ABCA13: variants seen among roughly 807,000 people sequenced by gnomAD.
ABCA13 encodes ATP binding cassette subfamily A member 13, also known as ATP-binding cassette sub-family A member 13.
In ABCA13, 476 loss-of-function variants were observed where a neutral mutation model predicts 478.7. The observed-to-expected ratio is 0.99, with a 90% CI of 0.92 to 1.07. ABCA13 has a LOEUF of 1.07. Among genes scored for constraint, ABCA13 ranks in the 50% least tolerant of loss-of-function variants. The pLI is 0.00. For synonymous variants in ABCA13, 2,252 were observed against 2,158.9 expected (o/e 1.04, Z -1.20); for missense variants, 6,060 against 5,910.6 (o/e 1.03, Z -0.83).
intron 1 of ABCA13, among the ~76,000 whole-genome samples, chr7:48,177,721 T>C (rs1460274233): frequency 6.6e-6 from 1 of 152,248 alleles, no homozygotes; most frequent in Non-Finnish European, 1.5e-5. Context: ...ATGGAACTCC[T>C]GATAACTCGA....
chr7:48,409,241 G>A (rs977314821), intron 39 of ABCA13, among the ~76,000 whole-genome samples: 4 of 152,276 alleles, frequency 2.6e-5, no homozygotes, highest in Admixed American at 2.0e-4. Context: ...AGGGAGTGTC[G>A]AAGCTAAAAG....
Position 48,550,539 on chromosome 7 carries a change from G to A in ABCA13, c.14354+22194G>A, listed in dbSNP as rs564685048. On this transcript the variant is annotated intron_variant, in intron 55 of 61. Coordinates refer to ENST00000435803, the MANE Select transcript of ABCA13 (RefSeq NM_152701.5). ...CTCCCAAAGTGCTGGGATTACAGGC[G>A]TGAGCCACCAAGCCTGGTCTCTACT... is the stretch of plus-strand genomic sequence containing the variant. 3.4e-4 allele frequency among the ~76,000 whole-genome samples: 52 copies of A among 151,838 alleles called. 4 individuals carry two copies. The highest frequency in any genetic ancestry group is 2.1e-3 in the East Asian group (11 of 5,162).
chr7:48,576,341 G>C lies in ABCA13; in HGVS notation c.14355-3883G>C, dbSNP rs749774233. On this transcript the variant is annotated intron_variant, in intron 55 of 61. Coordinates refer to ENST00000435803, the MANE Select transcript of ABCA13 (RefSeq NM_152701.5). ...CAAAAAGTGATGTAGGCTCAGTGTG[G>C]ACTAACTTGAAAGTAGCCTTGGGGG... Among the ~76,000 whole-genome samples, 3 of 152,254 alleles carry C rather than the reference G, an allele frequency of 2.0e-5. No individual in the cohort carries two copies. The South Asian group carries it at 6.2e-4, about 32-fold the overall frequency.
In ABCA13 at chr7:48,287,108, G is replaced by A. The variant is rs149030805; in HGVS notation, c.8837-852G>A. ...AGGGGCTTTGCTCAGCCTGGGAAAG[G>A]TGGGTGTCTGGAGGCAGAACTCTAA... is the stretch of plus-strand genomic sequence containing the variant. On this transcript the variant is annotated intron_variant, in intron 19 of 61. Coordinates refer to ENST00000435803, the MANE Select transcript of ABCA13 (RefSeq NM_152701.5). Among the ~76,000 whole-genome samples the A allele has an allele frequency of 2.3e-3, 347 of 152,268 alleles. 2 individuals are homozygous for A. The highest frequency in any genetic ancestry group is 8.0e-3 in the African/African-American group (334 of 41,548).
At chr7:48,470,155 A>G (rs774552329) in intron 44 of ABCA13, among the ~76,000 whole-genome samples, 1 of 152,204 alleles carries the variant, frequency 6.6e-6, no homozygotes, top group Non-Finnish European at 1.5e-5. Flanking sequence ...TTTCTCATAG[A>G]TCATCCCCTC....
chr7:48,201,840 T>C (rs1798772864), intron 3 of ABCA13, among the ~76,000 whole-genome samples: 1 of 152,222 alleles, frequency 6.6e-6, no homozygotes, highest in Non-Finnish European at 1.5e-5. Context: ...ATGGTAAGTG[T>C]TACAGCTCTT....
At chr7:48,357,791 A>T (rs1289824979) in intron 31 of ABCA13, among the ~76,000 whole-genome samples, 1 of 151,882 alleles carries the variant, frequency 6.6e-6, no homozygotes, top group African/African-American at 2.4e-5. Flanking sequence ...ACTTTTAAGC[A>T]CTTTGTGCAG....
chr7:48,622,587 TAG>T (rs1444684385), intron 59 of ABCA13, among the ~76,000 whole-genome samples: 2 of 152,178 alleles, frequency 1.3e-5, no homozygotes, highest in Admixed American at 1.3e-4. Context: ...TTCTAGCCTA[TAG>T]ATATTCCCCC....
At chr7:48,349,721 G>T (rs112916663) in intron 29 of ABCA13, among the ~76,000 whole-genome samples, 5 of 152,174 alleles carry the variant, frequency 3.3e-5, no homozygotes, top group Non-Finnish European at 5.9e-5. Flanking sequence ...TGCCATGTCC[G>T]GGGACAAATG....
chr7:48,456,680 A>G (rs1052075293), intron 43 of ABCA13, among the ~76,000 whole-genome samples: 7 of 152,194 alleles, frequency 4.6e-5, no homozygotes, highest in Non-Finnish European at 1.0e-4. Context: ...ATAAATCAGT[A>G]CAACCACTTT....
intron 24 of ABCA13, 27 bp from the exon 25 acceptor site, chr7:48,313,037 ATGT>A (rs1563027186): frequency 2.0e-6 from 3 of 1,519,650 alleles, no homozygotes; most frequent in Middle Eastern, 1.8e-4. Context: ...TGGTTATTTC[ATGT>A]TGTTTTGTTT....
intron 8 of ABCA13, 106 bp from the exon 9 acceptor site, chr7:48,239,135 C>A: frequency 8.4e-7 from 1 of 1,186,850 alleles, no homozygotes; most frequent in South Asian, 1.4e-5. Flanking sequence ...TTCAATCAAG[C>A]AAATGTAAGA....
At chr7:48,307,858 A>T (rs555936193) in intron 23 of ABCA13, among the ~76,000 whole-genome samples, 106 of 152,010 alleles carry the variant, frequency 7.0e-4, no homozygotes, top group Middle Eastern at 6.8e-3. Flanking sequence ...TTTTTTTTGT[A>T]TTTTAAGTAG....
At chr7:48,333,026 T>G (rs548707946) in intron 27 of ABCA13, among the ~76,000 whole-genome samples, 10 of 152,336 alleles carry the variant, frequency 6.6e-5, no homozygotes, top group African/African-American at 1.9e-4. Context: ...TCTCATACTC[T>G]TTCAGTTCCA....
intron 2 of ABCA13, among the ~76,000 whole-genome samples, chr7:48,197,193 G>A (rs1196198764): frequency 6.6e-6 from 1 of 152,174 alleles, no homozygotes; most frequent in African/African-American, 2.4e-5. Flanking sequence ...CTGCTTCCTC[G>A]AGCTACATAT....
At chr7:48,298,553 A>T in intron 23 of ABCA13, 66 bp downstream of exon 23, 1 of 1,554,322 alleles carries the variant, frequency 6.4e-7, no homozygotes. Context: ...AGTCACTGGC[A>T]CTGTGTTGTC....
intron 15 of ABCA13, among the ~76,000 whole-genome samples, chr7:48,264,905 A>T (rs578181545): frequency 1.3e-5 from 2 of 151,826 alleles, no homozygotes; most frequent in African/African-American, 4.8e-5. Context: ...TATGAGTTTA[A>T]TAGATTTATG....
At chr7:48,195,915 T>C (rs538048029) in intron 2 of ABCA13, among the ~76,000 whole-genome samples, 2 of 151,396 alleles carry the variant, frequency 1.3e-5, no homozygotes, top group African/African-American at 4.9e-5. Context: ...AGTAGAGGGA[T>C]AGGATGAGGA....
intron 41 of ABCA13, among the ~76,000 whole-genome samples, chr7:48,417,595 G>A (rs1168789672): frequency 6.6e-6 from 1 of 152,088 alleles, no homozygotes; most frequent in Non-Finnish European, 1.5e-5. Context: ...TGCATTCTGT[G>A]TCCCTCTGCC....
Sources: allele counts gnomAD v4.1 joint callset (sites outside exome capture counted in the v4.1 genomes callset), GRCh38; gene constraint gnomAD v4.1.1; transcripts MANE v1.5; gene names NCBI Gene and HGNC (gene_info 2026-07-23, HGNC 2026-07-21).